Variants in IZUMO1R observed in about 807,000 individuals in gnomAD.
IZUMO1R encodes sperm-egg fusion protein Juno.
In IZUMO1R, 24 loss-of-function variants were observed where a neutral mutation model predicts 22.1. The observed-to-expected ratio is 1.09, with a 90% CI of 0.79 to 1.53. The LOEUF is 1.53. Among genes scored for constraint, IZUMO1R ranks in the 40% most tolerant of loss-of-function variants. IZUMO1R has a pLI of 0.00. For synonymous variants in IZUMO1R, 133 were observed against 121.2 expected, an observed-to-expected ratio of 1.10 and a Z score of -0.64; for missense variants, 308 against 314.9, an observed-to-expected ratio of 0.98 and a Z score of 0.17.
chr11:94,306,650 G>A lies in IZUMO1R; in HGVS notation c.276G>A (p.Gln92=), dbSNP rs1343904850. 6.2e-7 allele frequency: 1 copy of A among 1,614,020 alleles called. No homozygotes were observed. The highest frequency in any genetic ancestry group is 1.3e-5 in the African/African-American group (1 of 75,048). Residue 92 remains glutamine, a synonymous_variant, in exon 3 of 5, where the codon CAG becomes CAA. Coordinates refer to ENST00000687084, the MANE Select transcript of IZUMO1R (RefSeq NM_001199206.4). ...LMPGCRKHFI[Q]AICFYECSPN... is the part of the protein sequence containing the mutation. ...CTGGCTGTCGGAAGCACTTCATCCAGGCTATCTGCTTCTATGAGTGCTCCC... is the reference window on the plus strand; with the variant it reads ...CTGGCTGTCGGAAGCACTTCATCCAAGCTATCTGCTTCTATGAGTGCTCCC...
At position 94,307,469 on chromosome 11, in the gene IZUMO1R, A is replaced by T. The variant is rs1160482384; in HGVS notation, c.530A>T (p.His177Leu). Residue 177 changes from histidine to leucine, a missense_variant, in exon 5 of 5, where the codon CAT becomes CTT. Coordinates refer to ENST00000687084, the MANE Select transcript of IZUMO1R (RefSeq NM_001199206.4). ...PKGAQCLPFS[H>L]YFPTPADLCE... ...GGGGCCCAGTGCCTCCCTTTCTCCC[A>T]TTACTTCCCCACCCCAGCTGACCTG... The T allele has an allele frequency of 6.2e-7, 1 of 1,613,914 alleles. No individual in the cohort carries two copies. The highest frequency in any genetic ancestry group is 8.5e-7 in the Non-Finnish European group (1 of 1,179,888).
rs1032369785 is a variant in IZUMO1R, at chr11:94,306,709, G to C, written c.335G>C (p.Ser112Thr). The change falls in exon 3 of 5, where the codon AGC becomes ACC. Residue 112 changes from serine (S) to threonine (T), a missense_variant. Ser to Thr is a moderately conservative substitution (Grantham distance 58). Coordinates refer to ENST00000687084, the MANE Select transcript of IZUMO1R (RefSeq NM_001199206.4). ...NLGPWIQPVG[S>T]LGWEVAPSGQ... ...GGGCCCTGGATCCAGCCAGTGGGAAGCCTGGGGTGGGAGGTAGGAAGCAGA... is the reference window on the plus strand; with the variant it reads ...GGGCCCTGGATCCAGCCAGTGGGAACCCTGGGGTGGGAGGTAGGAAGCAGA... 6.2e-7 allele frequency: 1 copy of C among 1,613,992 alleles called. No homozygotes were observed. The highest frequency in any genetic ancestry group is 1.3e-5 in the African/African-American group (1 of 75,074).
At chr11:94,306,458 C>T (rs1944019804) in intron 2 of IZUMO1R, 55 bp from the exon 3 acceptor site, 3 of 1,536,376 alleles carry the variant, frequency 2.0e-6, no homozygotes, top group Admixed American at 3.3e-5. Context: ...TCCCTAGACA[C>T]TTGCCGATCC....
In IZUMO1R at chr11:94,306,531, A is replaced by C. The variant is rs1360067231; in HGVS notation, c.157A>C (p.Asn53His). Residue 53 changes from asparagine to histidine, a missense_variant, in exon 3 of 5, where the codon AAT becomes CAT. Coordinates refer to ENST00000687084, the MANE Select transcript of IZUMO1R (RefSeq NM_001199206.4). ...LYEECIPWKDNACCTLTTSWE... is the reference protein window; with the variant it reads ...LYEECIPWKDHACCTLTTSWE... ...CCTTCAGTGCATCCCCTGGAAGGAC[A>C]ATGCCTGCTGCACCCTCACGACAAG... The C allele has an allele frequency of 1.9e-6, 3 of 1,613,772 alleles. No individual in the cohort carries two copies. In the East Asian group the frequency reaches 6.7e-5, roughly 36 times the overall value.
At position 94,307,517 on chromosome 11, in the gene IZUMO1R, C is replaced by T. The variant is rs750688204; in HGVS notation, c.578C>T (p.Ser193Phe). 220 of 1,613,626 alleles carry T rather than the reference C, an allele frequency of 1.4e-4. No individual in the cohort carries two copies. The highest frequency in any genetic ancestry group is 1.8e-4 in the Non-Finnish European group (209 of 1,179,896). The change falls in exon 5 of 5, where the codon TCC becomes TTC. Residue 193 changes from serine (S) to phenylalanine (F), a missense_variant. Ser to Phe is a radical substitution (Grantham distance 155). Coordinates refer to ENST00000687084, the MANE Select transcript of IZUMO1R (RefSeq NM_001199206.4). ...CTGTGTGAGAAGACTTGGAGCAATT[C>T]CTTCAAAGCCAGCCCTGAGCGACGG... ...ADLCEKTWSN[S>F]FKASPERRNS...
intron 4 of IZUMO1R, 41 bp downstream of exon 4, chr11:94,307,341 T>C: frequency 6.2e-7 from 1 of 1,612,308 alleles, no homozygotes; most frequent in Non-Finnish European, 8.5e-7. Context: ...AAGAGGCCCC[T>C]TGGTGGTCCC....
chr11:94,305,786 A>G lies in IZUMO1R; in HGVS notation c.138+12A>G, dbSNP rs1944012214. 6.2e-7 allele frequency: 1 copy of G among 1,612,774 alleles called. No homozygotes were observed. Among genetic ancestry groups the G allele is most frequent in the Non-Finnish European group, 8.5e-7 (1 of 1,179,550 alleles). ...AGCTCTATGAGGAGGTACAGAGGCC[A>G]GACCTGGGTATGGGATGGGGAAGAT... On this transcript the variant is annotated intron_variant, in intron 2 of 4. Coordinates refer to ENST00000687084, the MANE Select transcript of IZUMO1R (RefSeq NM_001199206.4).
At chr11:94,306,102 G>T (rs1374972366) in intron 2 of IZUMO1R, among the ~76,000 whole-genome samples, 1 of 151,780 alleles carries the variant, frequency 6.6e-6, no homozygotes, top group East Asian at 1.9e-4. Context: ...CCCTCCCCAA[G>T]CTCCTAAAGG....
chr11:94,305,038 G>C (rs757945182), intron 1 of IZUMO1R, among the ~76,000 whole-genome samples, 159 bp downstream of exon 1: 3 of 152,168 alleles, frequency 2.0e-5, no homozygotes, highest in Non-Finnish European at 2.9e-5. Flanking sequence ...CTCTGAAGAG[G>C]GGGGCTGGGC....
intron 2 of IZUMO1R, 80 bp downstream of exon 2, chr11:94,305,854 C>T: frequency 1.3e-6 from 2 of 1,484,906 alleles, no homozygotes; most frequent in Non-Finnish European, 1.8e-6. Context: ...CGAACCTCAT[C>T]AACCCTGATC....
intron 1 of IZUMO1R, 61 bp from the exon 2 acceptor site, chr11:94,305,570 G>A (rs1944006452): frequency 6.3e-6 from 10 of 1,591,432 alleles, no homozygotes; most frequent in Non-Finnish European, 7.7e-6. Flanking sequence ...TGCCTGCTAT[G>A]ATGAAGGGGG....
In IZUMO1R at chr11:94,308,061, T is replaced by C. The variant is rs1408000584; in HGVS notation, c.*369T>C. ...AGGACTTTCCCATCCAGTGCACGCC[T>C]ACCCCTTTCTGTGACAGAGCTGATG... On this transcript the variant is annotated 3_prime_UTR_variant, in exon 5 of 5. Transcript: ENST00000687084. Among the ~76,000 whole-genome samples the C allele has an allele frequency of 6.6e-6, 1 of 151,960 alleles. No individual in the cohort carries two copies. The highest frequency in any genetic ancestry group is 2.0e-4 in the East Asian group (1 of 5,066).
At chr11:94,306,421 G>A (rs1169772795) in intron 2 of IZUMO1R, 92 bp from the exon 3 acceptor site, 70 of 1,242,336 alleles carry the variant, frequency 5.6e-5, no homozygotes, top group Non-Finnish European at 8.0e-5. Context: ...GGCCTCCTAA[G>A]GGACATTTTC....
intron 2 of IZUMO1R, 136 bp from the exon 3 acceptor site, chr11:94,306,377 G>C: frequency 2.6e-6 from 2 of 770,862 alleles, no homozygotes; most frequent in Non-Finnish European, 4.5e-6. Flanking sequence ...CTCTTATGTA[G>C]GGGCTTACTA....
Position 94,304,769 on chromosome 11 carries a change from C to T in IZUMO1R, c.-117C>T, listed in dbSNP as rs1014215447. Among the ~76,000 whole-genome samples, 1 of 152,030 alleles carries T rather than the reference C, an allele frequency of 6.6e-6. No homozygotes were observed. Among genetic ancestry groups the T allele is most frequent in the Admixed American group, 6.5e-5 (1 of 15,268 alleles). ...GTGGAGTTCTCCTCCTGCACCTGGA[C>T]CTAGTAGAAATCAGACTGGGTAATA... On this transcript the variant is annotated 5_prime_UTR_variant, in exon 1 of 5. Transcript: ENST00000687084.
rs1268547588 is a variant in IZUMO1R at position 94,307,453 on chromosome 11, TGCC to T, written c.515_517del (p.Cys172_Leu173delinsPhe). On this transcript the variant is annotated inframe_deletion, in exon 5 of 5. Coordinates refer to ENST00000687084, the MANE Select transcript of IZUMO1R (RefSeq NM_001199206.4). Reference sequence around the variant, plus strand: ...GAACCGCTGCCCCAAAGGGGCCCAGTGCCTCCCTTTCTCCCATTACTTCCCCAC... The same window carrying T: ...GAACCGCTGCCCCAAAGGGGCCCAGTTCCCTTTCTCCCATTACTTCCCCAC... The T allele has an allele frequency of 6.2e-7, 1 of 1,613,968 alleles. No homozygotes were observed.
intron 1 of IZUMO1R, among the ~76,000 whole-genome samples, chr11:94,305,096 A>C (rs979467844): frequency 6.6e-6 from 1 of 151,914 alleles, no homozygotes; most frequent in Non-Finnish European, 1.5e-5. Context: ...GTAGGCTAGA[A>C]GTTTCCAGTT....
intron 1 of IZUMO1R, among the ~76,000 whole-genome samples, chr11:94,305,347 G>A (rs188847879): frequency 7.9e-5 from 12 of 152,328 alleles, no homozygotes; most frequent in African/African-American, 2.6e-4. Context: ...TGGGGATCAG[G>A]CTTTGGATGT....
rs764424847 is a variant in IZUMO1R, at chr11:94,307,418, C to A, written c.485-6C>A. 2.5e-6 allele frequency: 4 copies of A among 1,613,820 alleles called. No individual in the cohort carries two copies. The highest frequency in any genetic ancestry group is 3.4e-6 in the Non-Finnish European group (4 of 1,179,782). ...AGGTAAGCTGTCCCTCCTCCATCCC[C>A]TGCAGGGAAGAACCGCTGCCCCAAA... On this transcript the variant is annotated splice_region_variant and splice_polypyrimidine_tract_variant and intron_variant, in intron 4 of 4. Transcript: ENST00000687084.
Sources: allele counts gnomAD v4.1 joint callset (sites outside exome capture counted in the v4.1 genomes callset), GRCh38; gene constraint gnomAD v4.1.1; transcripts MANE v1.5; gene names NCBI Gene and HGNC (gene_info 2026-07-23, HGNC 2026-07-21).